LMLN: variants seen among roughly 807,000 people sequenced by gnomAD.
The protein encoded by LMLN is leishmanolysin-like peptidase.
LMLN carries 70 observed loss-of-function variants against 92.3 expected under a neutral mutation model. The ratio of observed to expected loss-of-function variants is 0.76; its 90% confidence interval spans 0.63 to 0.92. The LOEUF (loss-of-function observed/expected upper bound fraction) is 0.92, where lower values mean the gene tolerates loss of function less well. LMLN is among the 40% of genes least tolerant of loss of function. LMLN has a pLI of 0.00. For missense variants in LMLN, 691 were observed against 814.6 expected, an observed-to-expected ratio of 0.85 and a Z score of 1.85; for synonymous variants, 308 against 296.2, an observed-to-expected ratio of 1.04 and a Z score of -0.41.
At chr3:197,986,860 G>A (rs1014127155) in intron 8 of LMLN, among the ~76,000 whole-genome samples, 1 of 79,432 alleles carries the variant, frequency 1.3e-5, no homozygotes, top group African/African-American at 6.4e-5. Context: ...TTTTTTTTTT[G>A]AGACAGTCTC....
At chr3:197,988,882 A>G (rs1346181360) in intron 8 of LMLN, among the ~76,000 whole-genome samples, 2 of 151,856 alleles carry the variant, frequency 1.3e-5, no homozygotes, top group Admixed American at 6.6e-5. Context: ...GAATTTCACC[A>G]TGTTTGCCAG....
rs1408141167 is a variant in LMLN, at chr3:198,025,941, TG to T, written c.1656+1155del. Reference sequence around the variant, plus strand: ...TTACTTATCAAATTAACGTTTTTTTTGGTAACTGCTTTTCTTCTTTTCTGTT... The same window carrying T: ...TTACTTATCAAATTAACGTTTTTTTTGTAACTGCTTTTCTTCTTTTCTGTT... On this transcript the variant is annotated intron_variant, in intron 14 of 15. Coordinates refer to ENST00000330198, the Ensembl canonical transcript of LMLN. This position sits in a 1 kb window ranked among gnomAD's most constrained non-coding sequence, Gnocchi z 4.3. 6.6e-6 allele frequency among the ~76,000 whole-genome samples: 1 copy of T among 152,122 alleles called. No homozygotes were observed. The highest frequency in any genetic ancestry group is 1.5e-5 in the Non-Finnish European group (1 of 68,012).
chr3:198,039,600 T>TAAAAAAA (rs36003307), exon 16 of LMLN: 1 of 147,424 alleles, frequency 6.8e-6, no homozygotes, highest in East Asian at 2.0e-4. Flanking sequence ...CCCTGTATCT[T>TAAAAAAA]AAAAAAAAAA....
intron 10 of LMLN, among the ~76,000 whole-genome samples, chr3:197,998,407 T>G (rs1348528313): frequency 6.6e-6 from 1 of 152,150 alleles, no homozygotes; most frequent in Non-Finnish European, 1.5e-5. Context: ...ATTCCTCCCA[T>G]GGGAAGTGTG....
chr3:197,974,930 T>C (rs974958922), intron 2 of LMLN, 112 bp from the exon 3 acceptor site: 9 of 719,394 alleles, frequency 1.3e-5, no homozygotes, highest in Non-Finnish European at 2.0e-5. Flanking sequence ...GGCTGCTCCA[T>C]AGGCAGAGCA....
At chr3:198,023,180 TTTATTATTA>T (rs60913650) in intron 13 of LMLN, among the ~76,000 whole-genome samples, 2 of 150,194 alleles carry the variant, frequency 1.3e-5, no homozygotes, top group Non-Finnish European at 1.5e-5. Flanking sequence ...TGAATTCTGT[TTTATTATTA>T]TTATTATTAT....
intron 1 of LMLN, among the ~76,000 whole-genome samples, chr3:197,961,503 T>A (rs1351402641): frequency 6.6e-6 from 1 of 152,246 alleles, no homozygotes; most frequent in African/African-American, 2.4e-5. Context: ...TTTATCATGC[T>A]GCATTTTCGC....
At chr3:198,020,884 A>T (rs1252864058) in intron 12 of LMLN, among the ~76,000 whole-genome samples, 1 of 146,770 alleles carries the variant, frequency 6.8e-6, no homozygotes, top group Non-Finnish European at 1.5e-5. Context: ...CAGCCTCCCA[A>T]AGTGCTGGGA....
intron 1 of LMLN, among the ~76,000 whole-genome samples, chr3:197,967,343 C>T (rs1285940638): frequency 6.6e-6 from 1 of 152,184 alleles, no homozygotes; most frequent in Non-Finnish European, 1.5e-5. Flanking sequence ...AATTTTACAG[C>T]TGGGCCTCCA....
intron 15 of LMLN, 102 bp downstream of exon 16, chr3:198,036,145 T>C: frequency 1.9e-6 from 2 of 1,038,718 alleles, no homozygotes; most frequent in East Asian, 4.9e-5. Context: ...TAAAACAAGT[T>C]GAGTTTCTTC....
intron 5 of LMLN, 54 bp from the exon 6 acceptor site, chr3:197,980,272 A>G (rs1721517738): frequency 1.4e-6 from 2 of 1,474,404 alleles, no homozygotes; most frequent in Non-Finnish European, 9.4e-7. Flanking sequence ...ATTAAATGCC[A>G]CTACAGCTAA....
In LMLN at chr3:198,035,815, T is replaced by C. The variant is rs759441183; in HGVS notation, c.1657-18T>C. 6.3e-7 allele frequency: 1 copy of C among 1,577,100 alleles called. No homozygotes were observed. Among genetic ancestry groups the C allele is most frequent in the Admixed American group, 1.7e-5 (1 of 59,608 alleles). On this transcript the variant is annotated intron_variant, in intron 14 of 15. Coordinates refer to ENST00000330198, the Ensembl canonical transcript of LMLN. ...GATATTTATTATTTTTATATATCTA[T>C]TTTTTTCCTGTTTGAAGGTTTCTTG...
At chr3:198,013,227 T>A (rs1454588720) in intron 11 of LMLN, among the ~76,000 whole-genome samples, 1 of 110,644 alleles carries the variant, frequency 9.0e-6, no homozygotes, top group African/African-American at 5.7e-5. Flanking sequence ...CCTTAACTAG[T>A]CTGACTTCTC....
At chr3:198,018,420 A>T (rs1366427942) in intron 11 of LMLN, among the ~76,000 whole-genome samples, 2 of 152,236 alleles carry the variant, frequency 1.3e-5, no homozygotes, top group Non-Finnish European at 2.9e-5. Context: ...AGTAAATTCC[A>T]CAGAAGTGTG....
intron 11 of LMLN, among the ~76,000 whole-genome samples, chr3:198,000,266 C>T (rs967346994): frequency 1.3e-5 from 2 of 152,116 alleles, no homozygotes; most frequent in African/African-American, 4.8e-5. Flanking sequence ...TTAGTGGAAG[C>T]GTTGTTACCT....
chr3:198,041,235 GC>G (rs985027447), exon 16 of LMLN: 25 of 152,252 alleles, frequency 1.6e-4, no homozygotes, highest in African/African-American at 5.8e-4. Flanking sequence ...ATTGTGAAAA[GC>G]TGGGAATCTC....
At chr3:198,014,921 C>G (rs1341936678) in intron 11 of LMLN, among the ~76,000 whole-genome samples, 4 of 139,266 alleles carry the variant, frequency 2.9e-5, no homozygotes, top group Middle Eastern at 4.3e-3. Flanking sequence ...ATCAGAGCCC[C>G]CTAAGTAGTC....
At chr3:197,967,629 A>G (rs1721094643) in intron 1 of LMLN, among the ~76,000 whole-genome samples, 1 of 152,238 alleles carries the variant, frequency 6.6e-6, no homozygotes, top group Non-Finnish European at 1.5e-5. Context: ...TATTGTCTTG[A>G]TAAACATCTT....
At chr3:198,002,527 C>T (rs1722202932) in intron 11 of LMLN, among the ~76,000 whole-genome samples, 1 of 152,214 alleles carries the variant, frequency 6.6e-6, no homozygotes, top group African/African-American at 2.4e-5. Flanking sequence ...CACCTGAGAT[C>T]AGGAGTTTGA....
Sources: gnomAD v4.1 joint callset for allele counts (sites outside exome capture counted in the v4.1 genomes callset) on GRCh38, gnomAD v4.1.1 for gene constraint, Gnocchi (gnomAD v3.1) non-coding constraint, MANE v1.5 for transcripts, NCBI Gene and HGNC (gene_info 2026-07-23, HGNC 2026-07-21) for gene names.